The following PSMF1 variants were observed in gnomAD, a reference collection of about 807,000 sequenced individuals.
PSMF1 encodes proteasome inhibitor subunit 1.
PSMF1 carries 30 observed loss-of-function variants against 29.3 expected under a neutral mutation model. The observed-to-expected ratio is 1.02, with a 90% CI of 0.77 to 1.39. PSMF1 has a LOEUF of 1.39. Among genes scored for constraint, PSMF1 ranks in the 40% most tolerant of loss-of-function variants. The probability of loss-of-function intolerance (pLI) is 0.00; values close to 1 mark genes in which losing one functional copy is unlikely to be tolerated. For missense variants in PSMF1, 344 were observed against 357.5 expected (o/e 0.96, Z 0.31); for synonymous variants, 134 against 139.7 (o/e 0.96, Z 0.29).
Position 1,118,651 on chromosome 20 carries a change from T to A in PSMF1, c.-123T>A. Reference sequence around the variant, plus strand: ...CGGGCGTCTCCATTTTGGTCTCAGGTGTGGACTCGGCAAGAACCAGCGCAA... The same window carrying A: ...CGGGCGTCTCCATTTTGGTCTCAGGAGTGGACTCGGCAAGAACCAGCGCAA... On this transcript the variant is annotated 5_prime_UTR_variant, in exon 1 of 7. Transcript: ENST00000335877. The A allele has an allele frequency of 1.6e-6, 2 of 1,250,606 alleles. No individual in the cohort carries two copies. Among genetic ancestry groups the A allele is most frequent in the Admixed American group, 5.3e-5 (2 of 37,508 alleles). The allele number at this position is 1,250,606 out of a possible 1,614,324, so 77.5% of individuals were successfully genotyped here. A position where few individuals can be genotyped will look rare whatever the true frequency, so the allele number is the denominator to read the frequency against.
chr20:1,135,377 C>T, intron 4 of PSMF1, 71 bp downstream of exon 4: 2 of 1,429,034 alleles, frequency 1.4e-6, no homozygotes, highest in African/African-American at 1.4e-5. Context: ...CCCCATCCTG[C>T]CACTTGACCC....
chr20:1,165,424 T>A lies in PSMF1; in HGVS notation c.*344T>A, dbSNP rs948046662. ...CAGTGCTATAAGAACAGAACGCATTTTGGATGTTATTATTAAGAACCAAAT... is the reference window on the plus strand; with the variant it reads ...CAGTGCTATAAGAACAGAACGCATTATGGATGTTATTATTAAGAACCAAAT... On this transcript the variant is annotated 3_prime_UTR_variant, in exon 7 of 7. Coordinates refer to ENST00000335877, the MANE Select transcript of PSMF1 (RefSeq NM_006814.5). 2.7e-6 allele frequency: 3 copies of A among 1,119,948 alleles called. No individual in the cohort carries two copies. The Admixed American group carries it at 1.4e-4, about 51-fold the overall frequency. The allele number at this position is 1,119,948 out of a possible 1,614,324, so 69.4% of individuals were successfully genotyped here. A position where few individuals can be genotyped will look rare whatever the true frequency, so the allele number is the denominator to read the frequency against.
At chr20:1,116,957 C>T (rs1318554841), upstream of PSMF1, among the ~76,000 whole-genome samples, 2 of 152,144 alleles carry the variant, frequency 1.3e-5, no homozygotes, top group Admixed American at 1.3e-4. Context: ...AAGGCCCAAA[C>T]AGAACACATG....
At chr20:1,115,515 C>G (rs530787100), upstream of PSMF1, among the ~76,000 whole-genome samples, 2 of 152,328 alleles carry the variant, frequency 1.3e-5, no homozygotes, top group Admixed American at 6.5e-5. Context: ...AATTCTCCAC[C>G]TGACTAAGGC....
chr20:1,130,787 G>A (rs899949457), intron 3 of PSMF1, among the ~76,000 whole-genome samples: 5 of 152,192 alleles, frequency 3.3e-5, no homozygotes, highest in Admixed American at 2.0e-4. Context: ...GGGTCTACAG[G>A]CATGTGCCAC....
intron 4 of PSMF1, among the ~76,000 whole-genome samples, chr20:1,155,305 A>G (rs1301640631): frequency 6.6e-6 from 1 of 152,252 alleles, no homozygotes; most frequent in African/African-American, 2.4e-5. Flanking sequence ...CCTTTTCTCC[A>G]TTCATTTACA....
chr20:1,135,051 G>C, intron 3 of PSMF1, 70 bp from the exon 4 acceptor site: 1 of 1,540,384 alleles, frequency 6.5e-7, no homozygotes, highest in South Asian at 1.1e-5. Flanking sequence ...CGCCGTCGTT[G>C]CAGCCAGAAT....
chr20:1,130,695 A>G (rs1174167803), intron 3 of PSMF1, among the ~76,000 whole-genome samples: 2 of 152,118 alleles, frequency 1.3e-5, no homozygotes, highest in Admixed American at 1.3e-4. Context: ...ACAGTGGCAC[A>G]ATCAGCTCAC....
At position 1,165,848 on chromosome 20, in the gene PSMF1, G is replaced by A; in HGVS notation, c.*768G>A. 3 of 1,129,550 alleles carry A rather than the reference G, an allele frequency of 2.7e-6. No homozygotes were observed. Among genetic ancestry groups the A allele is most frequent in the South Asian group, 5.5e-5 (2 of 36,686 alleles). The allele number at this position is 1,129,550 out of a possible 1,614,324, so 70.0% of individuals were successfully genotyped here. The stretch of plus-strand genomic sequence containing the variant: ...AAAAAGCCAAGGAAAAAACAGAGCA[G>A]ACCTGAAGGCTAATCTTATTTTTGC... On this transcript the variant is annotated 3_prime_UTR_variant, in exon 7 of 7. Transcript: ENST00000335877.
At chr20:1,127,622 T>C (rs1016252828) in intron 3 of PSMF1, 114 bp downstream of exon 3, 2 of 828,570 alleles carry the variant, frequency 2.4e-6, no homozygotes, top group Non-Finnish European at 4.0e-6. Flanking sequence ...GAAGAACCTT[T>C]TATTTCTGGG....
intron 4 of PSMF1, among the ~76,000 whole-genome samples, chr20:1,135,910 A>AG (rs1221241724): frequency 6.6e-5 from 10 of 152,218 alleles, no homozygotes; most frequent in Non-Finnish European, 1.5e-4. Flanking sequence ...AGGGGACCCT[A>AG]GTCTCTAGCT....
upstream of PSMF1, among the ~76,000 whole-genome samples, chr20:1,115,242 C>T (rs1828337634): frequency 2.7e-5 from 2 of 73,948 alleles, no homozygotes; most frequent in Admixed American, 2.4e-4. Flanking sequence ...ATGCCAGCTA[C>T]AACCAACTGT....
rs73071642 is a variant in PSMF1 at position 1,134,976 on chromosome 20, C to T, written c.366-145C>T. 4.1e-3 allele frequency: 3,224 copies of T among 782,210 alleles called. 18 individuals are homozygous for T. The highest frequency in any genetic ancestry group is 5.1e-3 in the Non-Finnish European group (2,334 of 456,454). 48.5% of individuals were successfully genotyped at this position (782,210 alleles called of 1,614,324 possible). On this transcript the variant is annotated intron_variant, in intron 3 of 6. Transcript: ENST00000335877. ...GCCCCCCTCACCCAGGTCCAGCAGG[C>T]GGCCTGTTCCCCCACTTATAAACAG...
intron 4 of PSMF1, among the ~76,000 whole-genome samples, chr20:1,156,952 T>A (rs1045177030): frequency 5.9e-5 from 9 of 152,326 alleles, no homozygotes; most frequent in African/African-American, 1.9e-4. Flanking sequence ...TACATACATA[T>A]GTATTGGGGA....
chr20:1,149,078 T>G (rs951895488), intron 4 of PSMF1, among the ~76,000 whole-genome samples: 5 of 152,252 alleles, frequency 3.3e-5, no homozygotes, highest in African/African-American at 1.2e-4. Context: ...ATGTCTGGCT[T>G]AATGGAAGAC....
At chr20:1,133,569 A>ATATATATATATATATTTTTTTTTTTT in intron 3 of PSMF1, among the ~76,000 whole-genome samples, 6 of 53,288 alleles carry the variant, frequency 1.1e-4, no homozygotes, top group South Asian at 6.8e-4. Context: ...ATATATATAT[A>ATATATATATATATATTTTTTTTTTTT]TTTTTTTTTT....
intron 4 of PSMF1, among the ~76,000 whole-genome samples, chr20:1,154,811 T>G (rs1368369764): frequency 6.6e-6 from 1 of 152,204 alleles, no homozygotes; most frequent in Non-Finnish European, 1.5e-5. Flanking sequence ...AATATTTAGG[T>G]TGTTGATACT....
intron 1 of PSMF1, among the ~76,000 whole-genome samples, chr20:1,123,247 A>G (rs1037551781): frequency 6.6e-6 from 1 of 152,182 alleles, no homozygotes; most frequent in African/African-American, 2.4e-5. Context: ...GGGGTGACGA[A>G]ACAGGAGAGG....
chr20:1,118,701 C>G lies in PSMF1; in HGVS notation c.-73C>G. ...AGAGGGAAGCAGAGTTATAGCTACC[C>G]CGGCCGCGGAGCCGGCTCACTGCAC... On this transcript the variant is annotated 5_prime_UTR_variant, in exon 1 of 7. Coordinates refer to ENST00000335877, the MANE Select transcript of PSMF1 (RefSeq NM_006814.5). 2.0e-6 allele frequency: 3 copies of G among 1,506,142 alleles called. No homozygotes were observed. The highest frequency in any genetic ancestry group is 2.7e-6 in the Non-Finnish European group (3 of 1,109,846). 93.3% of individuals were successfully genotyped at this position (1,506,142 alleles called of 1,614,324 possible).
Sources: gnomAD v4.1 joint callset for allele counts (sites outside exome capture counted in the v4.1 genomes callset) on GRCh38, gnomAD v4.1.1 for gene constraint, MANE v1.5 for transcripts, NCBI Gene and HGNC (gene_info 2026-07-23, HGNC 2026-07-21) for gene names.